The following C6orf89 variants were observed in gnomAD, a reference collection of about 807,000 sequenced individuals.
C6orf89 encodes the protein chromosome 6 open reading frame 89.
In C6orf89, 29 loss-of-function variants were observed where a neutral mutation model predicts 40.7. That is an observed-to-expected ratio of 0.71 (90% CI 0.53 to 0.97). The LOEUF (loss-of-function observed/expected upper bound fraction) is 0.97, where lower values mean the gene tolerates loss of function less well. Ranked by LOEUF, C6orf89 falls within the 50% of genes least tolerant of loss-of-function variation. The pLI, the probability that C6orf89 is intolerant of heterozygous loss-of-function variation, is 0.00. For missense variants in C6orf89, 392 were observed against 429.1 expected, an observed-to-expected ratio of 0.91 and a Z score of 0.76; for synonymous variants, 165 against 152.2, an observed-to-expected ratio of 1.08 and a Z score of -0.62.
At chr6:36,914,795 G>A in intron 6 of C6orf89, 102 bp downstream of exon 6, 1 of 1,419,756 alleles carries the variant, frequency 7.0e-7, no homozygotes, top group South Asian at 1.2e-5. Context: ...TTGCAGACCA[G>A]CCTGGCCAAC....
upstream of C6orf89, among the ~76,000 whole-genome samples, chr6:36,881,270 T>G (rs1223890564): frequency 6.6e-6 from 1 of 152,188 alleles, no homozygotes; most frequent in African/African-American, 2.4e-5. Context: ...TTGTAAGAGA[T>G]TATAAGAAAA....
intron 3 of C6orf89, among the ~76,000 whole-genome samples, chr6:36,900,844 T>A (rs184282439): frequency 1.8e-4 from 27 of 150,690 alleles, no homozygotes; most frequent in African/African-American, 6.6e-4. Flanking sequence ...AGCCTTTATG[T>A]ATGTATTTAT....
intron 3 of C6orf89, 33 bp downstream of exon 3, chr6:36,899,666 A>G: frequency 6.3e-7 from 1 of 1,587,990 alleles, no homozygotes; most frequent in Non-Finnish European, 8.6e-7. Context: ...AATTGCTTCA[A>G]CAGAACACAA....
intron 4 of C6orf89, among the ~76,000 whole-genome samples, chr6:36,910,964 T>C (rs1390846452): frequency 6.6e-6 from 1 of 152,210 alleles, no homozygotes; most frequent in African/African-American, 2.4e-5. Flanking sequence ...TTGTATTCTG[T>C]CACCTTATTA....
intron 1 of C6orf89, among the ~76,000 whole-genome samples, chr6:36,887,111 G>GTT (rs1488814025): frequency 6.7e-6 from 1 of 148,212 alleles, no homozygotes; most frequent in African/African-American, 2.5e-5. Context: ...CTACCTCTGC[G>GTT]TTTTTTTGTT....
rs556552539 is a variant in C6orf89, at chr6:36,897,060, C to T, written c.-19-2366C>T. On this transcript the variant is annotated intron_variant, in intron 2 of 8. Coordinates refer to ENST00000480824, the MANE Select transcript of C6orf89 (RefSeq NM_001286635.2). Reference sequence around the variant, plus strand: ...AGGAGAATCGCTTGAACTCGGGAGGCGGAAGTGGCAGTGAGCCAAGATCGC... The same window carrying T: ...AGGAGAATCGCTTGAACTCGGGAGGTGGAAGTGGCAGTGAGCCAAGATCGC... 5.5e-3 allele frequency among the ~76,000 whole-genome samples: 781 copies of T among 140,746 alleles called. 6 individuals are homozygous for T. Among genetic ancestry groups the T allele is most frequent in the African/African-American group, 0.019 (696 of 37,544 alleles). 92.3% of individuals were successfully genotyped at this position (140,746 alleles called of 152,430 possible). A position where few individuals can be genotyped will look rare whatever the true frequency, so the allele number is the denominator to read the frequency against.
chr6:36,918,613 G>A (rs952967591), intron 7 of C6orf89, among the ~76,000 whole-genome samples: 1 of 152,184 alleles, frequency 6.6e-6, no homozygotes, highest in Admixed American at 6.5e-5. Flanking sequence ...ATGGCCCAGG[G>A]AGTCAGACTT....
Position 36,899,429 on chromosome 6 carries a change from T to A in C6orf89, c.-16T>A, listed in dbSNP as rs376471859. 1.9e-6 allele frequency: 3 copies of A among 1,613,806 alleles called. No individual in the cohort carries two copies. In the African/African-American group the frequency reaches 4.0e-5, roughly 22 times the overall value. On this transcript the variant is annotated 5_prime_UTR_variant, in exon 3 of 9. Coordinates refer to ENST00000480824, the MANE Select transcript of C6orf89 (RefSeq NM_001286635.2). ...ATTTTCTCTCCGTCTCTCTCAGGGA[T>A]TTTATATTGGAAGACATGGATCTTG... is the stretch of plus-strand genomic sequence containing the variant.
intron 3 of C6orf89, among the ~76,000 whole-genome samples, chr6:36,901,009 G>A (rs1761662654): frequency 6.6e-6 from 1 of 151,788 alleles, no homozygotes; most frequent in Admixed American, 6.6e-5. Context: ...ACCATGCCCG[G>A]CTAATTTTGT....
At chr6:36,876,952 C>A (rs1774674241) in intron 1 of C6orf89, among the ~76,000 whole-genome samples, 1 of 152,144 alleles carries the variant, frequency 6.6e-6, no homozygotes, top group Non-Finnish European at 1.5e-5. Context: ...TAATCATTAC[C>A]CATTCCTTCC....
chr6:36,916,623 C>A, intron 7 of C6orf89, 49 bp downstream of exon 7: 2 of 1,610,896 alleles, frequency 1.2e-6, no homozygotes, highest in Non-Finnish European at 1.7e-6. Context: ...TTATTTGGGA[C>A]CTGGACTGAT....
chr6:36,887,145 C>T (rs540824357), intron 1 of C6orf89, among the ~76,000 whole-genome samples: 2 of 150,870 alleles, frequency 1.3e-5, no homozygotes, highest in East Asian at 1.9e-4. Flanking sequence ...GACGGAGTCT[C>T]ACACTGTCGC....
intron 8 of C6orf89, among the ~76,000 whole-genome samples, chr6:36,921,461 G>C (rs1172200792): frequency 1.3e-5 from 2 of 152,036 alleles, no homozygotes; most frequent in Non-Finnish European, 2.9e-5. Flanking sequence ...GGAGATGGAG[G>C]GGAGAGGGGT....
In C6orf89 at chr6:36,913,859, T is replaced by A. The variant is rs545104337; in HGVS notation, c.404-425T>A. ...GCGGTCTCCAGTGCTTATCATTGTT[T>A]GTTTTTAAAAATTATTATGGGCTGG... On this transcript the variant is annotated intron_variant, in intron 4 of 8. Transcript: ENST00000480824. Among the ~76,000 whole-genome samples, 3,054 of 152,350 alleles carry A rather than the reference T, an allele frequency of 0.02. 201 individuals are homozygous for A. In the East Asian group the frequency reaches 0.26, roughly 13 times the overall value.
rs371442209 is a variant in C6orf89 at position 36,902,226 on chromosome 6, C to A, written c.195C>A (p.Leu65=). The A allele has an allele frequency of 2.5e-5, 41 of 1,613,776 alleles. No individual in the cohort carries two copies. Among genetic ancestry groups the A allele is most frequent in the Non-Finnish European group, 3.1e-5 (37 of 1,179,900 alleles). The part of the protein sequence containing the change: ...YPLLIVVYKV[L]ATLGLILLTA... The stretch of plus-strand genomic sequence containing the variant: ...TTTTCTATCTTTCCTTGTAGGTTCT[C>A]GCAACCTTGGGATTAATCTTGCTCA... The change falls in exon 4 of 9, where the codon CTC becomes CTA. Residue 65 remains leucine, a synonymous_variant. Coordinates refer to ENST00000480824, the MANE Select transcript of C6orf89 (RefSeq NM_001286635.2).
chr6:36,899,300 G>T, intron 2 of C6orf89, 126 bp from the exon 3 acceptor site: 1 of 694,548 alleles, frequency 1.4e-6, no homozygotes, highest in Non-Finnish European at 2.5e-6. Context: ...GAAAGTATTG[G>T]TCTGTAGAGG....
intron 1 of C6orf89, among the ~76,000 whole-genome samples, chr6:36,872,245 A>T (rs534105783): frequency 1.5e-4 from 23 of 152,206 alleles, no homozygotes; most frequent in Admixed American, 7.2e-4. Context: ...TTAATTTTTT[A>T]AAAAAAGAGA....
At chr6:36,910,466 AC>A (rs1762083961) in intron 4 of C6orf89, among the ~76,000 whole-genome samples, 2 of 152,110 alleles carry the variant, frequency 1.3e-5, no homozygotes, top group African/African-American at 2.4e-5. Context: ...GGTGGCTGAC[AC>A]CTATAATTCC....
intron 1 of C6orf89, among the ~76,000 whole-genome samples, chr6:36,875,417 G>A (rs1774625799): frequency 6.6e-6 from 1 of 152,244 alleles, no homozygotes; most frequent in African/African-American, 2.4e-5. Context: ...AAAAGAGAGG[G>A]AAGGGGCAGG....
Sources: allele counts gnomAD v4.1 joint callset (sites outside exome capture counted in the v4.1 genomes callset), GRCh38; gene constraint gnomAD v4.1.1; transcripts MANE v1.5; gene names NCBI Gene and HGNC (gene_info 2026-07-23, HGNC 2026-07-21).